Variants in ABCC11 observed in about 807,000 individuals in gnomAD.
ABCC11 encodes the protein ATP binding cassette subfamily C member 11.
ABCC11 carries 135 observed loss-of-function variants against 149.3 expected under a neutral mutation model. The ratio of observed to expected loss-of-function variants is 0.90; its 90% confidence interval spans 0.79 to 1.04. The LOEUF (loss-of-function observed/expected upper bound fraction) is 1.04. Among genes scored for constraint, ABCC11 ranks in the 50% least tolerant of loss-of-function variants. ABCC11 has a pLI of 0.00. For synonymous variants in ABCC11, 665 were observed against 671.4 expected, an observed-to-expected ratio of 0.99 and a Z score of 0.15; for missense variants, 1,680 against 1,722.1, an observed-to-expected ratio of 0.98 and a Z score of 0.43.
chr16:48,184,731 C>T, intron 22 of ABCC11, 105 bp from the exon 23 acceptor site: 1 of 1,179,914 alleles, frequency 8.5e-7, no homozygotes, highest in South Asian at 1.5e-5. Flanking sequence ...GTTCCCCACT[C>T]CCAGCAGCAG....
At chr16:48,192,777 A>C in intron 19 of ABCC11, 60 bp from the exon 20 acceptor site, 1 of 1,547,570 alleles carries the variant, frequency 6.5e-7, no homozygotes, top group Non-Finnish European at 8.9e-7. Context: ...GTGGCAGGGA[A>C]AGCCTTCTCC....
At chr16:48,191,601 C>T (rs908905464) in intron 20 of ABCC11, among the ~76,000 whole-genome samples, 4 of 152,204 alleles carry the variant, frequency 2.6e-5, no homozygotes, top group African/African-American at 9.7e-5. Context: ...GGCTTGGTTT[C>T]AAGTCTTTGC....
chr16:48,192,979 G>C (rs1450058469), intron 19 of ABCC11, among the ~76,000 whole-genome samples: 6 of 152,204 alleles, frequency 3.9e-5, no homozygotes, highest in African/African-American at 1.2e-4. Flanking sequence ...GCAGCGAGAA[G>C]CTTGGGAACG....
intron 1 of ABCC11, among the ~76,000 whole-genome samples, chr16:48,244,835 C>G (rs1201708973): frequency 6.6e-6 from 1 of 152,224 alleles, no homozygotes; most frequent in Non-Finnish European, 1.5e-5. Context: ...TGCCTGACAC[C>G]TGGTGAAACT....
At position 48,213,512 on chromosome 16, in the gene ABCC11, C is replaced by G; in HGVS notation, c.1287G>C (p.Leu429=). The G allele has an allele frequency of 6.2e-7, 1 of 1,611,214 alleles. No individual in the cohort carries two copies. Residue 429 remains leucine (L), a synonymous_variant, in exon 10 of 30, where the codon CTG becomes CTC. Transcript: ENST00000356608. ...CTGCAATAGGCACAAAGAACACTGA[C>G]AGCCGAAGGAGATTCAAGGAGGCCA... ...SMLASLNLLR[L]SVFFVPIAVK... is the part of the protein sequence containing the mutation.
At chr16:48,211,543 A>G (rs1471056815) in intron 10 of ABCC11, among the ~76,000 whole-genome samples, 4 of 152,292 alleles carry the variant, frequency 2.6e-5, no homozygotes, top group South Asian at 4.1e-4. Flanking sequence ...TGTTTTTCCA[A>G]TTAAATTCTA....
intron 23 of ABCC11, among the ~76,000 whole-genome samples, chr16:48,180,352 T>C (rs1966352138): frequency 6.6e-6 from 1 of 152,154 alleles, no homozygotes; most frequent in Admixed American, 6.5e-5. Flanking sequence ...AGCAGCCATT[T>C]TGTGACCATG....
intron 1 of ABCC11, among the ~76,000 whole-genome samples, chr16:48,237,142 T>C (rs1479962933): frequency 6.6e-6 from 1 of 152,222 alleles, no homozygotes; most frequent in Non-Finnish European, 1.5e-5. Flanking sequence ...GAAGCCTGAA[T>C]GAATGCAGCC....
chr16:48,174,376 G>A (rs921172942), intron 26 of ABCC11, among the ~76,000 whole-genome samples: 11 of 152,184 alleles, frequency 7.2e-5, no homozygotes, highest in African/African-American at 2.7e-4. Context: ...TTATCCTCCT[G>A]GCTCTAAGAA....
At chr16:48,178,417 A>G (rs920312849) in intron 24 of ABCC11, among the ~76,000 whole-genome samples, 180 bp downstream of exon 24, 3 of 152,186 alleles carry the variant, frequency 2.0e-5, no homozygotes, top group Admixed American at 1.3e-4. Flanking sequence ...GCAGACAGGT[A>G]TGGAAGAGCT....
At chr16:48,210,061 G>A (rs80294333) in intron 11 of ABCC11, 33 of 152,256 alleles carry the variant, frequency 2.2e-4, no homozygotes, top group Middle Eastern at 3.4e-3. Flanking sequence ...GATTGGATTC[G>A]AGGGAGGGAA....
intron 6 of ABCC11, among the ~76,000 whole-genome samples, chr16:48,218,968 G>C (rs750550872): frequency 7.2e-5 from 11 of 152,120 alleles, no homozygotes; most frequent in Non-Finnish European, 1.5e-4. Context: ...AGGAGGGAAA[G>C]CTACAAAGCA....
At chr16:48,245,658 T>C (rs1014964138) in intron 1 of ABCC11, among the ~76,000 whole-genome samples, 1 of 152,230 alleles carries the variant, frequency 6.6e-6, no homozygotes, top group African/African-American at 2.4e-5. Context: ...AAGTGTACAA[T>C]ACACGCCAGA....
At position 48,200,430 on chromosome 16, in the gene ABCC11, C is replaced by T. The variant is rs1967858199; in HGVS notation, c.1928G>A (p.Ser643Asn). 2 of 1,614,246 alleles carry T rather than the reference C, an allele frequency of 1.2e-6. No individual in the cohort carries two copies. ...NLSGGQKQRI[S>N]LARAVYSDRQ... ...GTCGGAATAGACGGCGCGGGCCAGG[C>T]TGATCCTCTGTTTCTGCCCCCCAGA... is the stretch of plus-strand genomic sequence containing the variant. Residue 643 changes from serine to asparagine, a missense_variant, in exon 15 of 30, where the codon AGC becomes AAC. Physicochemically the swap from Ser to Asn is conservative, Grantham distance 46. Coordinates refer to ENST00000356608, the MANE Select transcript of ABCC11 (RefSeq NM_001370497.1).
chr16:48,236,777 G>A (rs1019220528), intron 1 of ABCC11, among the ~76,000 whole-genome samples: 3 of 152,162 alleles, frequency 2.0e-5, no homozygotes, highest in Non-Finnish European at 4.4e-5. Context: ...GGTTAAACTT[G>A]GGCCTATTCC....
intron 12 of ABCC11, among the ~76,000 whole-genome samples, chr16:48,207,537 C>T (rs1253369011): frequency 1.5e-4 from 23 of 151,988 alleles, no homozygotes; most frequent in Admixed American, 1.3e-3. Flanking sequence ...CATGGTGGCG[C>T]ATGCCTGTAG....
chr16:48,227,189 T>C (rs1042679979), intron 4 of ABCC11, among the ~76,000 whole-genome samples: 1 of 152,048 alleles, frequency 6.6e-6, no homozygotes, highest in African/African-American at 2.4e-5. Context: ...TCTAACTTTC[T>C]TGGGACAGGT....
At chr16:48,183,637 C>T (rs1966581440) in intron 23 of ABCC11, among the ~76,000 whole-genome samples, 1 of 152,192 alleles carries the variant, frequency 6.6e-6, no homozygotes, top group African/African-American at 2.4e-5. Flanking sequence ...GTGGCATGTG[C>T]CTGTAATCCC....
intron 3 of ABCC11, among the ~76,000 whole-genome samples, chr16:48,229,136 C>A (rs1486130630): frequency 1.3e-5 from 2 of 151,880 alleles, no homozygotes; most frequent in African/African-American, 4.8e-5. Flanking sequence ...GAGCAAGGAG[C>A]GGGTGAGGGG....
Sources: allele counts gnomAD v4.1 joint callset (sites outside exome capture counted in the v4.1 genomes callset), GRCh38; gene constraint gnomAD v4.1.1; transcripts MANE v1.5; gene names NCBI Gene and HGNC (gene_info 2026-07-23, HGNC 2026-07-21).